Variants in GFRA2 observed in about 807,000 individuals in gnomAD.
The protein encoded by GFRA2 is GDNF family receptor alpha-2.
GFRA2 carries 17 observed loss-of-function variants against 48.3 expected under a neutral mutation model. The ratio of observed to expected loss-of-function variants is 0.35; its 90% confidence interval spans 0.24 to 0.53. The LOEUF is 0.53. Among genes scored for constraint, GFRA2 ranks in the 20% least tolerant of loss-of-function variants. The pLI is 0.93. For synonymous variants in GFRA2, 305 were observed against 257.2 expected, an observed-to-expected ratio of 1.19 and a Z score of -1.78; for missense variants, 660 against 637.3, an observed-to-expected ratio of 1.04 and a Z score of -0.38.
intron 1 of GFRA2, among the ~76,000 whole-genome samples, chr8:21,811,489 A>C (rs538400493): frequency 2.0e-5 from 3 of 152,194 alleles, no homozygotes; most frequent in African/African-American, 7.2e-5. Flanking sequence ...ACAAGAAATC[A>C]AACTCATAGG....
At chr8:21,778,185 G>A (rs1176821728) in intron 2 of GFRA2, among the ~76,000 whole-genome samples, 2 of 151,794 alleles carry the variant, frequency 1.3e-5, no homozygotes, top group South Asian at 2.1e-4. Context: ...CCCCAGGCCT[G>A]CATCAGGTTA....
chr8:21,706,087 T>C (rs1802731120), intron 4 of GFRA2, 46 bp from the exon 5 acceptor site: 3 of 1,257,544 alleles, frequency 2.4e-6, no homozygotes, highest in Non-Finnish European at 3.4e-6. Context: ...GGGTTCAGTC[T>C]AGCTGCCTTC....
chr8:21,758,903 C>G (rs1805727440), intron 3 of GFRA2, among the ~76,000 whole-genome samples: 2 of 152,136 alleles, frequency 1.3e-5, no homozygotes, highest in African/African-American at 4.8e-5. Context: ...CACACACACA[C>G]ACGAAGACAC....
chr8:21,719,528 C>A (rs928884312), intron 4 of GFRA2, among the ~76,000 whole-genome samples: 6 of 152,180 alleles, frequency 3.9e-5, no homozygotes, highest in East Asian at 1.9e-4. Context: ...GTAAGCTGAA[C>A]AAGAGATTGT....
chr8:21,753,284 A>C (rs1184778084), intron 3 of GFRA2, among the ~76,000 whole-genome samples: 1 of 152,190 alleles, frequency 6.6e-6, no homozygotes, highest in African/African-American at 2.4e-5. Flanking sequence ...GCCTTGAAAC[A>C]CACACCAGAT....
chr8:21,752,077 T>C (rs1332769634), intron 3 of GFRA2, among the ~76,000 whole-genome samples: 2 of 152,204 alleles, frequency 1.3e-5, no homozygotes, highest in Admixed American at 1.3e-4. Context: ...AGGGCCTTTG[T>C]AAGCATGAAT....
chr8:21,731,415 G>A (rs1804187319), intron 4 of GFRA2, among the ~76,000 whole-genome samples: 1 of 152,106 alleles, frequency 6.6e-6, no homozygotes, highest in Non-Finnish European at 1.5e-5. Context: ...CATCTCAATG[G>A]CCAACTCTAA....
chr8:21,758,281 G>A (rs190327741), intron 3 of GFRA2, among the ~76,000 whole-genome samples: 8 of 152,032 alleles, frequency 5.3e-5, no homozygotes, highest in Middle Eastern at 3.4e-3. Context: ...GTGGTCTGTG[G>A]CCAGCTACTG....
chr8:21,781,728 G>C (rs1806998211), intron 2 of GFRA2, among the ~76,000 whole-genome samples: 1 of 152,114 alleles, frequency 6.6e-6, no homozygotes, highest in African/African-American at 2.4e-5. Flanking sequence ...AACACCTAGA[G>C]TGTAGCAGAC....
Position 21,692,767 on chromosome 8 carries a change from T to A in GFRA2, c.*511A>T, listed in dbSNP as rs1801936889. ...GGCAGAGAGGGAGGGCAAAACCATCTCCATCCTTGAAGCCAAAGGGCTGAA... is the reference window on the plus strand; with the variant it reads ...GGCAGAGAGGGAGGGCAAAACCATCACCATCCTTGAAGCCAAAGGGCTGAA... On this transcript the variant is annotated 3_prime_UTR_variant, in exon 9 of 9. Coordinates refer to ENST00000524240, the MANE Select transcript of GFRA2 (RefSeq NM_001495.5). 1 of 152,394 alleles carries A rather than the reference T, an allele frequency of 6.6e-6. No homozygotes were observed. Among genetic ancestry groups the A allele is most frequent in the African/African-American group, 2.4e-5 (1 of 41,434 alleles). 9.4% of individuals were successfully genotyped at this position (152,394 alleles called of 1,614,324 possible).
At chr8:21,783,118 T>G in intron 1 of GFRA2, 2 of 685,104 alleles carry the variant, frequency 2.9e-6, no homozygotes, top group East Asian at 2.8e-5. Flanking sequence ...TTGCACTCCA[T>G]TCCTCCTCAG....
chr8:21,749,115 C>A (rs1805148275), intron 4 of GFRA2, among the ~76,000 whole-genome samples: 1 of 152,090 alleles, frequency 6.6e-6, no homozygotes, highest in Admixed American at 6.5e-5. Context: ...GGGCTTAGGA[C>A]CAAGAACTGC....
At chr8:21,794,123 G>A (rs1807626322) in intron 2 of GFRA2, among the ~76,000 whole-genome samples, 2 of 151,710 alleles carry the variant, frequency 1.3e-5, no homozygotes, top group Admixed American at 6.6e-5. Context: ...CAAAGTGCTG[G>A]GATTACAGGC....
intron 1 of GFRA2, among the ~76,000 whole-genome samples, chr8:21,785,396 C>T (rs1807222085): frequency 6.6e-6 from 1 of 152,192 alleles, no homozygotes; most frequent in Non-Finnish European, 1.5e-5. Context: ...TCCATGACCC[C>T]CAGAACCAAT....
At position 21,712,982 on chromosome 8, in the gene GFRA2, C is replaced by CAGAGGGAGACCGTGGAAAGAGGG. The variant is rs1208965609; in HGVS notation, c.795-6964_795-6942dup. On this transcript the variant is annotated intron_variant, in intron 4 of 8. Transcript: ENST00000524240. ...GTACAGTCCAGCTTCGGCTCGGCAT[C>CAGAGGGAGACCGTGGAAAGAGGG]AGAGGGAGACCGTGGAAAGAGGGAG... is the stretch of plus-strand genomic sequence containing the variant. Among the ~76,000 whole-genome samples, 15 of 144,614 alleles carry CAGAGGGAGACCGTGGAAAGAGGG rather than the reference C, an allele frequency of 1.0e-4. No individual in the cohort carries two copies. In the South Asian group the frequency reaches 3.0e-3, roughly 29 times the overall value. The allele number at this position is 144,614 out of a possible 152,430, so 94.9% of individuals were successfully genotyped here.
At position 21,690,417 on chromosome 8, in the gene GFRA2, A is replaced by G. The variant is rs1271071534; in HGVS notation, c.*2861T>C. On this transcript the variant is annotated 3_prime_UTR_variant, in exon 9 of 9. Transcript: ENST00000524240. The stretch of plus-strand genomic sequence containing the variant: ...ATTAACTAACATTAAGATAGCAACA[A>G]TTTATTCTTCTAGTTCGATTTGCAT... 1.3e-5 allele frequency: 2 copies of G among 152,216 alleles called. No individual in the cohort carries two copies. The highest frequency in any genetic ancestry group is 4.8e-5 in the African/African-American group (2 of 41,444). 9.4% of individuals were successfully genotyped at this position (152,216 alleles called of 1,614,324 possible).
intron 3 of GFRA2, among the ~76,000 whole-genome samples, chr8:21,756,389 C>A (rs1304917040): frequency 1.3e-5 from 2 of 152,170 alleles, no homozygotes; most frequent in African/African-American, 2.4e-5. Context: ...TTGAGTGGGC[C>A]GGATGACGGG....
At chr8:21,697,143 G>GGCAGAGGGGAAGGGACAGA (rs796974849) in intron 7 of GFRA2, among the ~76,000 whole-genome samples, 15 of 106,490 alleles carry the variant, frequency 1.4e-4, no homozygotes, top group East Asian at 3.0e-4. Flanking sequence ...AGGGGACAGA[G>GGCAGAGGGGAAGGGACAGA]GGAGAGGGGA....
In GFRA2 at chr8:21,788,357, G is replaced by A; in HGVS notation, c.-198C>T. The A allele has an allele frequency of 7.4e-7, 1 of 1,349,006 alleles. No individual in the cohort carries two copies. The highest frequency in any genetic ancestry group is 9.5e-7 in the Non-Finnish European group (1 of 1,055,682). The allele number at this position is 1,349,006 out of a possible 1,614,324, so 83.6% of individuals were successfully genotyped here. A position where few individuals can be genotyped will look rare whatever the true frequency, so the allele number is the denominator to read the frequency against. On this transcript the variant is annotated 5_prime_UTR_variant, in exon 1 of 9. Coordinates refer to ENST00000524240, the MANE Select transcript of GFRA2 (RefSeq NM_001495.5). Reference sequence around the variant, plus strand: ...CTGGAGGGGGTGGGGTGAGAGGCGGGCGATGGGCTGCTGCCTCTCGACGCC... The same window carrying A: ...CTGGAGGGGGTGGGGTGAGAGGCGGACGATGGGCTGCTGCCTCTCGACGCC...
Sources: gnomAD v4.1 joint callset for allele counts (sites outside exome capture counted in the v4.1 genomes callset) on GRCh38, gnomAD v4.1.1 for gene constraint, MANE v1.5 for transcripts, NCBI Gene and HGNC (gene_info 2026-07-23, HGNC 2026-07-21) for gene names.